The following DTNBP1 variants were observed in gnomAD, a reference collection of about 807,000 sequenced individuals.
DTNBP1 encodes the protein dystrobrevin binding protein 1.
In DTNBP1, 35 loss-of-function variants were observed where a neutral mutation model predicts 42.8. That is an observed-to-expected ratio of 0.82 (90% confidence interval 0.63 to 1.09). DTNBP1 has a LOEUF of 1.09. Among genes scored for constraint, DTNBP1 ranks in the 50% least tolerant of loss-of-function variants. The probability of loss-of-function intolerance (pLI) is 0.00; values close to 1 mark genes in which losing one functional copy is unlikely to be tolerated. For missense variants in DTNBP1, 457 were observed against 424.2 expected (o/e 1.08, Z -0.68); for synonymous variants, 171 against 162.2 (o/e 1.05, Z -0.41).
At chr6:15,534,749 A>T (rs1342376442) in intron 7 of DTNBP1, among the ~76,000 whole-genome samples, 3 of 151,626 alleles carry the variant, frequency 2.0e-5, no homozygotes, top group African/African-American at 7.3e-5. Context: ...TTGGCTTTTT[A>T]GTGTTTACTG....
intron 6 of DTNBP1, among the ~76,000 whole-genome samples, chr6:15,612,902 C>T (rs922093807): frequency 6.6e-6 from 1 of 152,186 alleles, no homozygotes; most frequent in Non-Finnish European, 1.5e-5. Flanking sequence ...GAAGACTAGC[C>T]TGACCATTTC....
chr6:15,648,492 A>G (rs924051626), intron 3 of DTNBP1, among the ~76,000 whole-genome samples: 1 of 152,102 alleles, frequency 6.6e-6, no homozygotes, highest in African/African-American at 2.4e-5. Flanking sequence ...TCTTATATGC[A>G]GAAAACCCTG....
intron 7 of DTNBP1, among the ~76,000 whole-genome samples, chr6:15,589,225 C>T (rs902722013): frequency 1.3e-5 from 2 of 152,230 alleles, no homozygotes; most frequent in African/African-American, 4.8e-5. Context: ...AGACTCCTCA[C>T]AGCCTCAGAA....
At position 15,572,583 on chromosome 6, in the gene DTNBP1, T is replaced by C. The variant is rs976242056; in HGVS notation, c.511+20476A>G. Among the ~76,000 whole-genome samples, 5 of 152,234 alleles carry C rather than the reference T, an allele frequency of 3.3e-5. No individual in the cohort carries two copies. The Middle Eastern group carries it at 9.5e-3, about 289-fold the overall frequency. ...ACCAGGCACAGCTGTAAACCCTTTA[T>C]GTGTATCAATGCAGTCTTTAAAGCA... On this transcript the variant is annotated intron_variant, in intron 7 of 9. Transcript: ENST00000344537.
At chr6:15,618,518 T>C (rs1250166518) in intron 5 of DTNBP1, among the ~76,000 whole-genome samples, 1 of 149,464 alleles carries the variant, frequency 6.7e-6, no homozygotes, top group East Asian at 2.0e-4. Flanking sequence ...TGTACCCCCT[T>C]ACCCCCTAAA....
chr6:15,652,241 A>G, intron 1 of DTNBP1, 101 bp from the exon 2 acceptor site: 2 of 903,422 alleles, frequency 2.2e-6, no homozygotes, highest in East Asian at 2.7e-5. Flanking sequence ...GAGTGCAGTG[A>G]CATGTACATT....
chr6:15,562,452 C>G (rs1374118720), intron 7 of DTNBP1, among the ~76,000 whole-genome samples: 4 of 152,240 alleles, frequency 2.6e-5, no homozygotes, highest in Non-Finnish European at 5.9e-5. Flanking sequence ...ACTTAGTAAA[C>G]ATAATAAATG....
chr6:15,576,999 A>G lies in DTNBP1; in HGVS notation c.511+16060T>C, dbSNP rs184683950. On this transcript the variant is annotated intron_variant, in intron 7 of 9. Transcript: ENST00000344537. ...GTTAGGTTTACATTTTAGACAAAAA[A>G]GAGGATCCAGGTCACAAATAAAATA... Among the ~76,000 whole-genome samples the G allele has an allele frequency of 6.5e-3, 994 of 152,358 alleles. 12 individuals are homozygous for G. Among genetic ancestry groups the G allele is most frequent in the African/African-American group, 0.023 (952 of 41,588 alleles).
intron 7 of DTNBP1, among the ~76,000 whole-genome samples, chr6:15,577,929 G>T (rs1775651126): frequency 6.6e-6 from 1 of 152,206 alleles, no homozygotes; most frequent in South Asian, 2.1e-4. Context: ...AACATAATTT[G>T]GGTGGTAATG....
chr6:15,655,971 C>T (rs2619519), intron 1 of DTNBP1, among the ~76,000 whole-genome samples: 23,445 of 152,078 alleles, frequency 0.15, 2,689 homozygotes, highest in African/African-American at 0.32. Flanking sequence ...GAAGGAAATA[C>T]TGACCTAGGG....
chr6:15,601,954 C>A (rs896401664), intron 6 of DTNBP1, among the ~76,000 whole-genome samples: 1 of 151,864 alleles, frequency 6.6e-6, no homozygotes, highest in African/African-American at 2.4e-5. Context: ...AAATGTCCCT[C>A]TTTGAAATCC....
At chr6:15,611,698 ACT>A (rs1758414725) in intron 6 of DTNBP1, among the ~76,000 whole-genome samples, 1 of 152,198 alleles carries the variant, frequency 6.6e-6, no homozygotes, top group South Asian at 2.1e-4. Flanking sequence ...CTCATGGATG[ACT>A]CTGACAGGTT....
At chr6:15,558,722 C>A (rs1353779696) in intron 7 of DTNBP1, among the ~76,000 whole-genome samples, 2 of 152,180 alleles carry the variant, frequency 1.3e-5, no homozygotes, top group Non-Finnish European at 2.9e-5. Flanking sequence ...CTGAAATAAT[C>A]TGTTTATGAC....
chr6:15,546,806 C>T (rs1255448927), intron 7 of DTNBP1, among the ~76,000 whole-genome samples: 4 of 151,998 alleles, frequency 2.6e-5, no homozygotes, highest in South Asian at 2.1e-4. Context: ...AGTCACAGTT[C>T]GAAGGAATGG....
At chr6:15,574,604 C>T (rs1045513124) in intron 7 of DTNBP1, among the ~76,000 whole-genome samples, 1 of 152,208 alleles carries the variant, frequency 6.6e-6, no homozygotes, top group African/African-American at 2.4e-5. Context: ...TCACACTCTC[C>T]AGTGTGCACA....
At chr6:15,523,746 G>A (rs1207474383) in intron 9 of DTNBP1, 4 of 1,287,074 alleles carry the variant, frequency 3.1e-6, no homozygotes, top group Non-Finnish European at 4.0e-6. Flanking sequence ...GTTCACGCTG[G>A]TCTCCAGTAT....
intron 7 of DTNBP1, among the ~76,000 whole-genome samples, chr6:15,580,777 TC>T (rs2113572181): frequency 6.6e-6 from 1 of 152,348 alleles, no homozygotes; most frequent in Non-Finnish European, 1.5e-5. Flanking sequence ...AGGGGCACTT[TC>T]ATGTTAAAAA....
chr6:15,643,921 A>G (rs975529384), intron 3 of DTNBP1, among the ~76,000 whole-genome samples: 10 of 152,174 alleles, frequency 6.6e-5, no homozygotes, highest in Non-Finnish European at 7.4e-5. Context: ...CAAAGGAATA[A>G]AACTTCACAT....
Position 15,547,408 on chromosome 6 carries a change from C to T in DTNBP1, c.512-14013G>A, listed in dbSNP as rs184729097. 5.0e-3 allele frequency among the ~76,000 whole-genome samples: 760 copies of T among 152,278 alleles called. 7 individuals are homozygous for T. Among genetic ancestry groups the T allele is most frequent in the Non-Finnish European group, 8.6e-3 (585 of 68,014 alleles). On this transcript the variant is annotated intron_variant, in intron 7 of 9. Transcript: ENST00000344537. ...CAAACCCCAGGTAATGCTGACACTG[C>T]TTGAGAACCACTGCTCTAGACGAAC...
Sources: allele counts gnomAD v4.1 joint callset (sites outside exome capture counted in the v4.1 genomes callset), GRCh38; gene constraint gnomAD v4.1.1; transcripts MANE v1.5; gene names NCBI Gene and HGNC (gene_info 2026-07-23, HGNC 2026-07-21).